IFNG-AS1: variants seen among roughly 807,000 people sequenced by gnomAD.
IFNG-AS1 encodes IFNG antisense RNA 1 (non-protein coding).
At chr12:67,998,625 T>C (rs886309624) in intron 2 of IFNG-AS1, among the ~76,000 whole-genome samples, 1 of 151,904 alleles carries the variant, frequency 6.6e-6, no homozygotes, top group Non-Finnish European at 1.5e-5. Flanking sequence ...AATGTTTCAT[T>C]ACCAAAAATA....
At chr12:68,003,424 CCTT>C (rs1432078826) in intron 2 of IFNG-AS1, among the ~76,000 whole-genome samples, 12 of 136,472 alleles carry the variant, frequency 8.8e-5, no homozygotes, top group Admixed American at 7.4e-5. Context: ...CATATTCCCC[CCTT>C]TTTTTTTTTT....
At chr12:67,992,923 C>T (rs962561271) in intron 1 of IFNG-AS1, among the ~76,000 whole-genome samples, 5 of 152,152 alleles carry the variant, frequency 3.3e-5, no homozygotes, top group Non-Finnish European at 7.4e-5. Flanking sequence ...GTCCTCCCAC[C>T]AGTTGATAAC....
chr12:68,010,133 T>C (rs542016683), intron 3 of IFNG-AS1, among the ~76,000 whole-genome samples: 3 of 152,344 alleles, frequency 2.0e-5, no homozygotes, highest in Non-Finnish European at 4.4e-5. Flanking sequence ...TGCTAATCAT[T>C]TGAAGCAAGT....
intron 3 of IFNG-AS1, among the ~76,000 whole-genome samples, chr12:68,015,283 G>C (rs1880124869): frequency 6.6e-6 from 1 of 152,124 alleles, no homozygotes; most frequent in African/African-American, 2.4e-5. Flanking sequence ...AGGGATGTGG[G>C]GTCACATGCT....
chr12:68,012,274 G>C (rs1880049877), intron 3 of IFNG-AS1, among the ~76,000 whole-genome samples: 1 of 152,080 alleles, frequency 6.6e-6, no homozygotes, highest in Non-Finnish European at 1.5e-5. Context: ...GCCAGGACTG[G>C]AGAGATGAGT....
chr12:68,013,252 G>A (rs904208938), intron 3 of IFNG-AS1, among the ~76,000 whole-genome samples: 22 of 152,184 alleles, frequency 1.4e-4, no homozygotes, highest in Admixed American at 2.6e-4. Flanking sequence ...GGATTTATAG[G>A]GAAACAACCC....
intron 2 of IFNG-AS1, among the ~76,000 whole-genome samples, chr12:68,001,164 A>T (rs1052499960): frequency 2.0e-5 from 3 of 152,190 alleles, no homozygotes; most frequent in African/African-American, 7.2e-5. Flanking sequence ...ATACATTTTC[A>T]ATAACTTGCT....
intron 3 of IFNG-AS1, among the ~76,000 whole-genome samples, chr12:68,018,816 T>C (rs992161428): frequency 6.6e-6 from 1 of 151,878 alleles, no homozygotes; most frequent in Admixed American, 6.6e-5. Context: ...AAGTTCTAAG[T>C]CCTTTCTAAC....
intron 3 of IFNG-AS1, among the ~76,000 whole-genome samples, chr12:68,008,386 A>C (rs1333948740): frequency 6.7e-6 from 1 of 149,686 alleles, no homozygotes; most frequent in Non-Finnish European, 1.5e-5. Context: ...ACTGCACTCC[A>C]GCCTGGGCGA....
intron 3 of IFNG-AS1, among the ~76,000 whole-genome samples, chr12:68,007,968 C>G (rs1254623441): frequency 6.6e-6 from 1 of 152,130 alleles, no homozygotes; most frequent in African/African-American, 2.4e-5. Context: ...TGAGCTATAG[C>G]TTCTTTAAAA....
At chr12:68,020,145 G>A (rs904444247) in intron 4 of IFNG-AS1, 3 of 152,206 alleles carry the variant, frequency 2.0e-5, no homozygotes, top group African/African-American at 7.2e-5. Flanking sequence ...AAGGTCACAT[G>A]TCACATGTTG....
intron 4 of IFNG-AS1, chr12:68,020,638 G>C (rs959879373): frequency 2.6e-5 from 4 of 152,178 alleles, no homozygotes; most frequent in African/African-American, 9.6e-5. Context: ...ACTTCCACCA[G>C]AGAAGGGAAT....
intron 1 of IFNG-AS1, among the ~76,000 whole-genome samples, chr12:67,991,276 G>T (rs74486897): frequency 0.04 from 6,089 of 152,302 alleles, 182 homozygotes; most frequent in Non-Finnish European, 0.06. Context: ...ATAAAAGACG[G>T]CACATGCTAA....
intron 3 of IFNG-AS1, chr12:68,019,807 G>A (rs1210219075): frequency 6.6e-6 from 1 of 152,206 alleles, no homozygotes; most frequent in Non-Finnish European, 1.5e-5. Flanking sequence ...GGCAGTCATA[G>A]TCTGTGATGC....
chr12:67,991,895 A>G (rs1028760106), intron 1 of IFNG-AS1, among the ~76,000 whole-genome samples: 1 of 152,244 alleles, frequency 6.6e-6, no homozygotes, highest in Admixed American at 6.5e-5. Context: ...ATCTAGAATG[A>G]AATAATAAGT....
At chr12:67,997,760 G>GTA (rs1760195631) in intron 2 of IFNG-AS1, among the ~76,000 whole-genome samples, 1 of 151,358 alleles carries the variant, frequency 6.6e-6, no homozygotes. Flanking sequence ...CTATAATAAA[G>GTA]TATATATTCT....
At chr12:68,013,897 A>C (rs1002457158) in intron 3 of IFNG-AS1, among the ~76,000 whole-genome samples, 3 of 152,174 alleles carry the variant, frequency 2.0e-5, no homozygotes, top group Admixed American at 2.0e-4. Flanking sequence ...TCACCCGAGC[A>C]GTGTACACTG....
chr12:68,013,861 T>G (rs547096187), intron 3 of IFNG-AS1, among the ~76,000 whole-genome samples: 72 of 152,238 alleles, frequency 4.7e-4, no homozygotes, highest in African/African-American at 1.7e-3. Flanking sequence ...TATTTAGTGG[T>G]GATTTGTGAG....
intron 1 of IFNG-AS1, among the ~76,000 whole-genome samples, chr12:67,989,804 G>C (rs55637283): frequency 0.044 from 6,626 of 152,136 alleles, 199 homozygotes; most frequent in Non-Finnish European, 0.06. Flanking sequence ...TGAGCTCAGG[G>C]GGATGAATTC....
Sources: gnomAD v4.1 joint callset for allele counts (sites outside exome capture counted in the v4.1 genomes callset) on GRCh38, gnomAD v4.1.1 for gene constraint, MANE v1.5 for transcripts, NCBI Gene and HGNC (gene_info 2026-07-23, HGNC 2026-07-21) for gene names.